DGKI: variants seen among roughly 807,000 people sequenced by gnomAD.
DGKI encodes the protein DAG kinase iota.
In DGKI, 55 loss-of-function variants were observed where a neutral mutation model predicts 147.5. The ratio of observed to expected loss-of-function variants is 0.37; its 90% confidence interval spans 0.30 to 0.47. The LOEUF is 0.47. Among genes scored for constraint, DGKI ranks in the 20% least tolerant of loss-of-function variants. The pLI is 1.00. For missense variants in DGKI, 1,007 were observed against 1,323.8 expected, an observed-to-expected ratio of 0.76 and a Z score of 3.71; for synonymous variants, 469 against 477.1, an observed-to-expected ratio of 0.98 and a Z score of 0.22.
chr7:137,445,250 T>A (rs1181220526), intron 27 of DGKI, among the ~76,000 whole-genome samples: 1 of 152,164 alleles, frequency 6.6e-6, no homozygotes, highest in Non-Finnish European at 1.5e-5. Flanking sequence ...CAGTAAAGAA[T>A]AAAGACACAG....
At chr7:137,444,640 C>T (rs756642242) in intron 27 of DGKI, among the ~76,000 whole-genome samples, 16 of 152,160 alleles carry the variant, frequency 1.1e-4, no homozygotes, top group Non-Finnish European at 1.9e-4. Context: ...TCTCAGAACC[C>T]GGGAGAAACA....
chr7:137,784,443 C>T (rs572602977), intron 1 of DGKI, among the ~76,000 whole-genome samples: 1 of 152,174 alleles, frequency 6.6e-6, no homozygotes, highest in Non-Finnish European at 1.5e-5. Flanking sequence ...AATACGTATG[C>T]ACCTAACACT....
intron 1 of DGKI, among the ~76,000 whole-genome samples, chr7:137,780,426 A>G (rs575940379): frequency 1.3e-5 from 2 of 152,316 alleles, no homozygotes; most frequent in Admixed American, 6.5e-5. Flanking sequence ...GGCAGTCATG[A>G]GCTTAGGGGA....
In DGKI at chr7:137,656,523, C is replaced by T. The variant is rs1409726274; in HGVS notation, c.624G>A (p.Arg208=). ...QVRFAKSALR[R]KCAVCKIVVH... ...CGACGATTTTACAGACTGCACACTT[C>T]CTCCTGAGAGCTGATTTCTACAATA... The change falls in exon 4 of 33, where the codon AGG becomes AGA. Residue 208 remains arginine, a synonymous_variant. Transcript: ENST00000614521. 1 of 1,614,060 alleles carries T rather than the reference C, an allele frequency of 6.2e-7. No individual in the cohort carries two copies. The highest frequency in any genetic ancestry group is 1.1e-5 in the South Asian group (1 of 91,070).
At chr7:137,550,843 A>G (rs1011219611) in intron 20 of DGKI, among the ~76,000 whole-genome samples, 3 of 152,218 alleles carry the variant, frequency 2.0e-5, no homozygotes, top group Admixed American at 1.3e-4. Flanking sequence ...CATAGGCTAT[A>G]GCACAGTTTC....
intron 30 of DGKI, among the ~76,000 whole-genome samples, chr7:137,407,475 C>T (rs1812000389): frequency 6.6e-6 from 1 of 152,020 alleles, no homozygotes; most frequent in African/African-American, 2.4e-5. Context: ...AACAATTATC[C>T]TCATGAATCT....
intron 13 of DGKI, among the ~76,000 whole-genome samples, chr7:137,585,685 A>C (rs1405058453): frequency 3.9e-5 from 6 of 152,148 alleles, no homozygotes; most frequent in Non-Finnish European, 7.4e-5. Context: ...CACTGGAGGA[A>C]TTTGGGGGAA....
At chr7:137,812,695 A>T (rs906910983) in intron 1 of DGKI, among the ~76,000 whole-genome samples, 1 of 152,196 alleles carries the variant, frequency 6.6e-6, no homozygotes, top group Non-Finnish European at 1.5e-5. Context: ...TCTATTTTAC[A>T]AAGAAGGATA....
chr7:137,672,766 C>CTTTTTTTTTTTTTTTTTTT (rs60078498), intron 3 of DGKI, among the ~76,000 whole-genome samples: 1 of 65,664 alleles, frequency 1.5e-5, no homozygotes, highest in Non-Finnish European at 2.6e-5. Flanking sequence ...CTCTGTGTGT[C>CTTTTTTTTTTTTTTTTTTT]TTTTTTTTTT....
At chr7:137,400,751 TA>T (rs367684636) in intron 30 of DGKI, among the ~76,000 whole-genome samples, 3,169 of 149,082 alleles carry the variant, frequency 0.021, 41 homozygotes, top group Middle Eastern at 0.024. Flanking sequence ...AATTAATATC[TA>T]AAAAAAAAAT....
intron 1 of DGKI, among the ~76,000 whole-genome samples, chr7:137,810,009 T>C (rs1300616247): frequency 6.6e-6 from 1 of 152,224 alleles, no homozygotes; most frequent in Non-Finnish European, 1.5e-5. Context: ...AAGAGGTTCT[T>C]CTGCTTTCAC....
chr7:137,402,006 A>G (rs929988611), intron 30 of DGKI, among the ~76,000 whole-genome samples: 9 of 152,230 alleles, frequency 5.9e-5, no homozygotes, highest in Non-Finnish European at 1.0e-4. Flanking sequence ...TCTCTCACGT[A>G]TGGATGAGTT....
chr7:137,636,537 C>A (rs1218495038), intron 6 of DGKI, among the ~76,000 whole-genome samples: 1 of 152,158 alleles, frequency 6.6e-6, no homozygotes, highest in African/African-American at 2.4e-5. Flanking sequence ...CAGGCCTGAG[C>A]CACTCATCTC....
At chr7:137,429,486 G>A (rs977146258) in intron 28 of DGKI, among the ~76,000 whole-genome samples, 1 of 149,980 alleles carries the variant, frequency 6.7e-6, no homozygotes, top group African/African-American at 2.4e-5. Context: ...TCAGGACATA[G>A]GCATGGGCAA....
chr7:137,653,464 A>C (rs954543783), intron 5 of DGKI, among the ~76,000 whole-genome samples: 1 of 152,342 alleles, frequency 6.6e-6, no homozygotes, highest in Middle Eastern at 3.4e-3. Context: ...ATGGCTTACA[A>C]GGACCTTCAG....
At chr7:137,421,592 T>C (rs1381671164) in intron 28 of DGKI, among the ~76,000 whole-genome samples, 3 of 152,194 alleles carry the variant, frequency 2.0e-5, no homozygotes, top group Non-Finnish European at 4.4e-5. Context: ...ACTTCTTTTA[T>C]TCACCACTGG....
At chr7:137,817,832 CTT>C (rs922755898) in intron 1 of DGKI, among the ~76,000 whole-genome samples, 25 of 152,342 alleles carry the variant, frequency 1.6e-4, no homozygotes, top group African/African-American at 6.0e-4. Context: ...CTTACCCAGT[CTT>C]TAATATGCCA....
At chr7:137,573,561 C>T (rs376542855) in intron 17 of DGKI, among the ~76,000 whole-genome samples, 6 of 152,164 alleles carry the variant, frequency 3.9e-5, no homozygotes, top group South Asian at 2.1e-4. Context: ...CCCGCCACCA[C>T]GCCCAGCTAA....
intron 1 of DGKI, chr7:137,771,478 AG>A (rs1796195578): frequency 6.6e-6 from 1 of 152,226 alleles, no homozygotes; most frequent in Admixed American, 6.5e-5. Flanking sequence ...AGATACTTTC[AG>A]TGATGTGGAA....
Sources: gnomAD v4.1 joint callset for allele counts (sites outside exome capture counted in the v4.1 genomes callset) on GRCh38, gnomAD v4.1.1 for gene constraint, MANE v1.5 for transcripts, NCBI Gene and HGNC (gene_info 2026-07-23, HGNC 2026-07-21) for gene names.